PDZRN4: variants seen among roughly 807,000 people sequenced by gnomAD.
PDZRN4 encodes the protein PDZ domain-containing RING finger protein 4.
A neutral mutation model predicts 99.0 loss-of-function variants in PDZRN4; 70 were observed. The ratio of observed to expected loss-of-function variants is 0.71; its 90% CI spans 0.58 to 0.86. The LOEUF (loss-of-function observed/expected upper bound fraction) is 0.86. PDZRN4 is among the 40% of genes least tolerant of loss of function. The pLI, the probability that PDZRN4 is intolerant of heterozygous loss-of-function variation, is 0.00. For synonymous variants in PDZRN4, 551 were observed against 501.6 expected (o/e 1.10, Z -1.32); for missense variants, 1,474 against 1,331.2 (o/e 1.11, Z -1.67).
intron 3 of PDZRN4, among the ~76,000 whole-genome samples, chr12:41,285,513 C>T (rs1324968742): frequency 1.3e-5 from 2 of 152,018 alleles, no homozygotes; most frequent in African/African-American, 4.8e-5. Flanking sequence ...GGGTATATAC[C>T]CAAAGGATTA....
chr12:41,405,972 A>G (rs1413783160), intron 3 of PDZRN4, among the ~76,000 whole-genome samples: 1 of 152,092 alleles, frequency 6.6e-6, no homozygotes, highest in African/African-American at 2.4e-5. Flanking sequence ...CAGGGGAAAC[A>G]TGGGTTGAAA....
intron 3 of PDZRN4, among the ~76,000 whole-genome samples, chr12:41,403,943 T>C (rs1952322854): frequency 3.3e-5 from 5 of 152,156 alleles, no homozygotes; most frequent in Admixed American, 3.3e-4. Flanking sequence ...CAGTTGTCCC[T>C]TGGTATCTAT....
chr12:41,394,318 G>A (rs558798635), intron 3 of PDZRN4, among the ~76,000 whole-genome samples: 66 of 152,028 alleles, frequency 4.3e-4, no homozygotes, highest in Non-Finnish European at 7.8e-4. Flanking sequence ...ACTTATATTC[G>A]GTCTATTGCA....
At chr12:41,233,135 G>A (rs4278570) in intron 3 of PDZRN4, among the ~76,000 whole-genome samples, 101,636 of 151,990 alleles carry the variant, frequency 0.67, 34,111 homozygotes, top group South Asian at 0.73. Context: ...AAGGAAATGA[G>A]CAGACACTTC....
intron 3 of PDZRN4, among the ~76,000 whole-genome samples, chr12:41,412,848 G>C (rs989905907): frequency 1.1e-4 from 16 of 152,238 alleles, no homozygotes; most frequent in Admixed American, 1.0e-3. Flanking sequence ...CCAGCACTTT[G>C]GGAGGCCGAG....
At chr12:41,338,841 C>T (rs192260298) in intron 3 of PDZRN4, among the ~76,000 whole-genome samples, 8 of 151,830 alleles carry the variant, frequency 5.3e-5, no homozygotes, top group Non-Finnish European at 1.2e-4. Context: ...TCAAAAAAAT[C>T]CCAGGAAATA....
intron 5 of PDZRN4, among the ~76,000 whole-genome samples, chr12:41,529,727 A>C (rs1938627892): frequency 6.6e-6 from 1 of 152,170 alleles, no homozygotes; most frequent in Non-Finnish European, 1.5e-5. Flanking sequence ...AGTTCCTCAA[A>C]TCACTCCTCA....
chr12:41,369,105 T>A (rs1952022095), intron 3 of PDZRN4, among the ~76,000 whole-genome samples: 1 of 152,130 alleles, frequency 6.6e-6, no homozygotes, highest in African/African-American at 2.4e-5. Flanking sequence ...CAAACTCAAC[T>A]ATTAAGTGCT....
chr12:41,332,029 G>A (rs796990232), intron 3 of PDZRN4, among the ~76,000 whole-genome samples: 34 of 152,248 alleles, frequency 2.2e-4, no homozygotes, highest in African/African-American at 7.9e-4. Flanking sequence ...GATAATACTT[G>A]AAGTAGTCAT....
intron 3 of PDZRN4, among the ~76,000 whole-genome samples, chr12:41,413,477 A>G (rs529395673): frequency 2.4e-4 from 37 of 152,274 alleles, no homozygotes; most frequent in African/African-American, 8.2e-4. Context: ...ACTATAGTTA[A>G]TAATACTATA....
intron 3 of PDZRN4, among the ~76,000 whole-genome samples, chr12:41,207,652 A>G (rs942890025): frequency 4.0e-5 from 6 of 151,868 alleles, no homozygotes; most frequent in African/African-American, 1.2e-4. Context: ...TGGCTATAAA[A>G]TAGCTAACAT....
chr12:41,460,119 G>A lies in PDZRN4; in HGVS notation c.844-46337G>A, dbSNP rs1421852581. On this transcript the variant is annotated intron_variant, in intron 3 of 9. Transcript: ENST00000402685. ...TTTCTGTCAGGGGATCATAAACATAGCCTGCCTACCACATGTTTTTACTGT... is the reference window on the plus strand; with the variant it reads ...TTTCTGTCAGGGGATCATAAACATAACCTGCCTACCACATGTTTTTACTGT... The A allele has an allele frequency of 2.4e-6, 3 of 1,253,458 alleles. No homozygotes were observed. The Admixed American group carries it at 7.7e-5, about 32-fold the overall frequency. 77.6% of individuals were successfully genotyped at this position (1,253,458 alleles called of 1,614,324 possible).
intron 3 of PDZRN4, among the ~76,000 whole-genome samples, chr12:41,278,687 C>A (rs557404602): frequency 6.6e-6 from 1 of 152,234 alleles, no homozygotes; most frequent in African/African-American, 2.4e-5. Context: ...CCAGTAGTTC[C>A]CTTGAAAGTC....
At chr12:41,424,283 T>G (rs1952515816) in intron 3 of PDZRN4, among the ~76,000 whole-genome samples, 1 of 152,170 alleles carries the variant, frequency 6.6e-6, no homozygotes. Context: ...GATCTTTAGC[T>G]CTATATGACA....
At chr12:41,396,856 T>A (rs1481912978) in intron 3 of PDZRN4, among the ~76,000 whole-genome samples, 1 of 152,214 alleles carries the variant, frequency 6.6e-6, no homozygotes. Context: ...TTTCTTCATA[T>A]TTTTGAGACA....
At chr12:41,286,336 C>CTTTT (rs71081721) in intron 3 of PDZRN4, among the ~76,000 whole-genome samples, 1,191 of 105,974 alleles carry the variant, frequency 0.011, 1 homozygote, top group Non-Finnish European at 0.013. Flanking sequence ...CCTTCTTCTT[C>CTTTT]TTTTTTTTTT....
At chr12:41,570,122 G>C (rs1187346063) in intron 9 of PDZRN4, among the ~76,000 whole-genome samples, 2 of 152,108 alleles carry the variant, frequency 1.3e-5, no homozygotes, top group East Asian at 3.9e-4. Flanking sequence ...TAATACAAAT[G>C]TTAGGTCTCG....
chr12:41,189,799 T>C (rs1282663768), intron 1 of PDZRN4, among the ~76,000 whole-genome samples: 4 of 152,022 alleles, frequency 2.6e-5, no homozygotes, highest in African/African-American at 9.6e-5. Context: ...GAGATTGAGA[T>C]TGTGTGTGTG....
chr12:41,464,443 A>T (rs930654292), intron 3 of PDZRN4, among the ~76,000 whole-genome samples: 1 of 152,234 alleles, frequency 6.6e-6, no homozygotes, highest in Non-Finnish European at 1.5e-5. Flanking sequence ...TTCATTCAAT[A>T]GTGTCTAGGG....
Sources: allele counts gnomAD v4.1 joint callset (sites outside exome capture counted in the v4.1 genomes callset), GRCh38; gene constraint gnomAD v4.1.1; transcripts MANE v1.5; gene names NCBI Gene and HGNC (gene_info 2026-07-23, HGNC 2026-07-21).